Variants in TANC2 observed in about 807,000 individuals in gnomAD.
TANC2 encodes the protein protein TANC2.
A neutral mutation model predicts 210.5 loss-of-function variants in TANC2; 26 were observed. The ratio of observed to expected loss-of-function variants is 0.12; its 90% CI spans 0.09 to 0.17. The LOEUF is 0.17. Ranked by LOEUF, TANC2 falls within the 10% of genes least tolerant of loss-of-function variation. The pLI is 1.00. For synonymous variants in TANC2, 931 were observed against 967.1 expected (o/e 0.96, Z 0.69); for missense variants, 2,129 against 2,608.9 (o/e 0.82, Z 4.01).
chr17:63,046,538 G>T (rs541046198), intron 2 of TANC2, among the ~76,000 whole-genome samples: 9 of 151,568 alleles, frequency 5.9e-5, no homozygotes, highest in Admixed American at 5.9e-4. Flanking sequence ...CACCGTGTTG[G>T]CCAGGCTGGT....
chr17:63,295,435 T>C (rs2044505871), intron 9 of TANC2, among the ~76,000 whole-genome samples: 1 of 152,254 alleles, frequency 6.6e-6, no homozygotes, highest in Non-Finnish European at 1.5e-5. Flanking sequence ...TATTCCATGT[T>C]ATAAATTAGC....
rs200326011 is a variant in TANC2 at position 63,097,577 on chromosome 17, C to CA, written c.140-1583dup. Among the ~76,000 whole-genome samples, 534 of 122,074 alleles carry CA rather than the reference C, an allele frequency of 4.4e-3. 2 individuals are homozygous for CA. Among genetic ancestry groups the CA allele is most frequent in the East Asian group, 0.023 (88 of 3,846 alleles). The allele number at this position is 122,074 out of a possible 152,430, so 80.1% of individuals were successfully genotyped here. A position where few individuals can be genotyped will look rare whatever the true frequency, so the allele number is the denominator to read the frequency against. On this transcript the variant is annotated intron_variant, in intron 3 of 27. Transcript: ENST00000689528. ...ATAGCTGATAAGCTTTAAAAAATTG[C>CA]AAAAAAAAAAAAAAAGTAATGTTTT...
chr17:63,218,993 G>A (rs1311784931), intron 7 of TANC2, among the ~76,000 whole-genome samples: 1 of 152,038 alleles, frequency 6.6e-6, no homozygotes, highest in African/African-American at 2.4e-5. Flanking sequence ...CAAAAAAAAT[G>A]GAAATTGAAA....
At chr17:63,016,083 A>G (rs1047450131) in intron 2 of TANC2, among the ~76,000 whole-genome samples, 2 of 152,344 alleles carry the variant, frequency 1.3e-5, no homozygotes, top group East Asian at 3.9e-4. Context: ...GGCAGGAGAT[A>G]GAGAAACAAA....
chr17:63,091,289 C>G (rs1382459514), intron 3 of TANC2, among the ~76,000 whole-genome samples: 1 of 152,042 alleles, frequency 6.6e-6, no homozygotes, highest in East Asian at 1.9e-4. Flanking sequence ...CTTGACCATG[C>G]CTGTGTCCTG....
At chr17:63,168,773 C>T (rs2040300353) in intron 5 of TANC2, among the ~76,000 whole-genome samples, 1 of 152,026 alleles carries the variant, frequency 6.6e-6, no homozygotes, top group Non-Finnish European at 1.5e-5. Flanking sequence ...TAGAAGGTGG[C>T]AAGGAAGGAT....
intron 7 of TANC2, among the ~76,000 whole-genome samples, chr17:63,204,786 A>C (rs992589141): frequency 6.6e-6 from 1 of 152,164 alleles, no homozygotes; most frequent in Non-Finnish European, 1.5e-5. Context: ...AGCAGTATAA[A>C]GAGACCAGAA....
intron 14 of TANC2, among the ~76,000 whole-genome samples, chr17:63,359,461 A>G (rs1466306503): frequency 6.6e-6 from 1 of 151,710 alleles, no homozygotes; most frequent in Non-Finnish European, 1.5e-5. Context: ...CTCCTGCCTC[A>G]GCCTCCCAAG....
chr17:62,996,150 G>A (rs909650692), intron 1 of TANC2, among the ~76,000 whole-genome samples: 9 of 151,946 alleles, frequency 5.9e-5, no homozygotes, highest in African/African-American at 2.2e-4. Context: ...GAGTTTTTAC[G>A]TTTTCCAGAA....
chr17:63,206,829 C>G (rs984780873), intron 7 of TANC2, among the ~76,000 whole-genome samples: 2 of 152,124 alleles, frequency 1.3e-5, no homozygotes, highest in African/African-American at 4.8e-5. Flanking sequence ...TGTGAATATA[C>G]TTAGTGCCCC....
intron 19 of TANC2, chr17:63,399,182 A>G (rs2048264215): frequency 4.5e-6 from 1 of 224,230 alleles, no homozygotes; most frequent in Admixed American, 5.8e-5. Flanking sequence ...AAAAGACTGA[A>G]AGTTACCTTA....
At chr17:63,275,229 A>T (rs764798048) in intron 9 of TANC2, among the ~76,000 whole-genome samples, 1 of 152,122 alleles carries the variant, frequency 6.6e-6, no homozygotes, top group East Asian at 1.9e-4. Context: ...TTCATTTCTC[A>T]ATATATGGTG....
intron 3 of TANC2, among the ~76,000 whole-genome samples, chr17:63,075,683 T>C (rs923127783): frequency 6.6e-6 from 1 of 151,934 alleles, no homozygotes; most frequent in African/African-American, 2.4e-5. Flanking sequence ...CAGGCCCGGC[T>C]TTTTTTGTAT....
At chr17:63,256,813 TAC>T (rs1266141162) in intron 8 of TANC2, among the ~76,000 whole-genome samples, 2 of 152,236 alleles carry the variant, frequency 1.3e-5, no homozygotes, top group African/African-American at 4.8e-5. Flanking sequence ...CATATATATT[TAC>T]AGTTGTTATA....
At chr17:63,314,892 G>T (rs370881070) in intron 10 of TANC2, among the ~76,000 whole-genome samples, 1 of 152,128 alleles carries the variant, frequency 6.6e-6, no homozygotes, top group Non-Finnish European at 1.5e-5. Context: ...CTTTCTCGTG[G>T]AATAAGTTTA....
intron 9 of TANC2, among the ~76,000 whole-genome samples, chr17:63,311,038 T>C (rs2045107688): frequency 1.3e-5 from 2 of 152,242 alleles, no homozygotes; most frequent in Admixed American, 1.3e-4. Flanking sequence ...AAGATTCAGA[T>C]TGGTAAAAGA....
At chr17:63,130,623 C>G (rs550222404) in intron 4 of TANC2, among the ~76,000 whole-genome samples, 1 of 152,138 alleles carries the variant, frequency 6.6e-6, no homozygotes, top group East Asian at 1.9e-4. Context: ...TGTTAGTTTA[C>G]TGCATATTTA....
chr17:62,985,203 C>T (rs1016405772), intron 1 of TANC2, among the ~76,000 whole-genome samples: 1 of 151,584 alleles, frequency 6.6e-6, no homozygotes, highest in African/African-American at 2.4e-5. Flanking sequence ...TATATCATCT[C>T]ATTCTCTCCT....
At chr17:63,022,485 T>C (rs987174342) in intron 2 of TANC2, among the ~76,000 whole-genome samples, 1 of 151,990 alleles carries the variant, frequency 6.6e-6, no homozygotes, top group Non-Finnish European at 1.5e-5. Flanking sequence ...AATTTATAAT[T>C]AAAAGGGAAG....
Sources: gnomAD v4.1 joint callset for allele counts (sites outside exome capture counted in the v4.1 genomes callset) on GRCh38, gnomAD v4.1.1 for gene constraint, MANE v1.5 for transcripts, NCBI Gene and HGNC (gene_info 2026-07-23, HGNC 2026-07-21) for gene names.